The following CPQ variants were observed in gnomAD, a reference collection of about 807,000 sequenced individuals.
CPQ encodes the protein Ser-Met dipeptidase.
Under a neutral mutation model 45.7 loss-of-function variants are expected in CPQ, and 37 were observed. That is an observed-to-expected ratio of 0.81 (90% CI 0.62 to 1.07). The LOEUF (loss-of-function observed/expected upper bound fraction) is 1.07, where lower values mean the gene tolerates loss of function less well. CPQ is among the 50% of genes least tolerant of loss of function. The probability of loss-of-function intolerance (pLI) is 0.00; values close to 1 mark genes in which losing one functional copy is unlikely to be tolerated. For missense variants in CPQ, 537 were observed against 572.9 expected, an observed-to-expected ratio of 0.94 and a Z score of 0.64; for synonymous variants, 186 against 205.8, an observed-to-expected ratio of 0.90 and a Z score of 0.82.
chr8:96,705,081 TAAA>T (rs1238639926), intron 1 of CPQ, among the ~76,000 whole-genome samples: 1 of 152,130 alleles, frequency 6.6e-6, no homozygotes, highest in Non-Finnish European at 1.5e-5. Flanking sequence ...TTAAAGATGA[TAAA>T]GAAGGGTGAA....
intron 7 of CPQ, among the ~76,000 whole-genome samples, chr8:97,084,814 G>C (rs1442470829): frequency 6.7e-6 from 1 of 149,810 alleles, no homozygotes; most frequent in Non-Finnish European, 1.5e-5. Context: ...TGTATACTCT[G>C]TGTGTGTGTG....
chr8:96,749,272 C>T (rs961479992), intron 1 of CPQ, among the ~76,000 whole-genome samples: 1 of 152,170 alleles, frequency 6.6e-6, no homozygotes, highest in African/African-American at 2.4e-5. Context: ...CGATGACAGA[C>T]TGACCAAGTG....
chr8:97,138,955 G>GA (rs990176212), intron 7 of CPQ, among the ~76,000 whole-genome samples: 6 of 150,478 alleles, frequency 4.0e-5, no homozygotes, highest in African/African-American at 1.2e-4. Flanking sequence ...AAGAAAGAAA[G>GA]AAAAAAAAGA....
chr8:96,844,279 C>T (rs1241986149), intron 3 of CPQ, among the ~76,000 whole-genome samples: 1 of 152,158 alleles, frequency 6.6e-6, no homozygotes, highest in East Asian at 1.9e-4. Context: ...TTTTTTATCC[C>T]TCTGTGTTCC....
chr8:97,043,580 CTCGATGG>C (rs1810174766), intron 6 of CPQ, among the ~76,000 whole-genome samples: 1 of 152,108 alleles, frequency 6.6e-6, no homozygotes, highest in Non-Finnish European at 1.5e-5. Context: ...TCTTCCTAGC[CTCGATGG>C]TCTTTACAAT....
At chr8:97,137,078 T>TTGA in intron 7 of CPQ, among the ~76,000 whole-genome samples, 1 of 151,834 alleles carries the variant, frequency 6.6e-6, no homozygotes, top group Non-Finnish European at 1.5e-5. Context: ...TCACTAGTGA[T>TTGA]TGATAGAACA....
At chr8:96,812,824 A>C (rs1454240727) in intron 2 of CPQ, among the ~76,000 whole-genome samples, 1 of 151,868 alleles carries the variant, frequency 6.6e-6, no homozygotes, top group African/African-American at 2.4e-5. Flanking sequence ...TTTTTCCCTC[A>C]AGCTGAGCTG....
At chr8:96,682,540 G>C (rs1809165603) in intron 1 of CPQ, among the ~76,000 whole-genome samples, 1 of 152,244 alleles carries the variant, frequency 6.6e-6, no homozygotes, top group Admixed American at 6.5e-5. Flanking sequence ...CATGAAAATG[G>C]GCTAATACAC....
intron 5 of CPQ, among the ~76,000 whole-genome samples, chr8:97,007,169 A>G (rs1408351358): frequency 6.6e-6 from 1 of 152,210 alleles, no homozygotes; most frequent in African/African-American, 2.4e-5. Flanking sequence ...CTTTAACAGC[A>G]TTCTGGAATG....
At chr8:96,653,222 C>G (rs2130705271) in intron 1 of CPQ, among the ~76,000 whole-genome samples, 1 of 152,198 alleles carries the variant, frequency 6.6e-6, no homozygotes, top group East Asian at 1.9e-4. Context: ...GCCACAGTGC[C>G]TAGTACATTT....
intron 7 of CPQ, among the ~76,000 whole-genome samples, chr8:97,122,250 C>G (rs577533545): frequency 6.6e-5 from 10 of 151,814 alleles, no homozygotes; most frequent in Admixed American, 6.5e-4. Flanking sequence ...AGTCAGAAAG[C>G]AGCAATACAA....
At chr8:97,009,269 G>C (rs962286726) in intron 5 of CPQ, among the ~76,000 whole-genome samples, 2 of 152,164 alleles carry the variant, frequency 1.3e-5, no homozygotes, top group African/African-American at 2.4e-5. Flanking sequence ...AGAGAGCCAG[G>C]CCAGACTGAC....
chr8:96,897,362 G>A (rs1812456165), intron 4 of CPQ, among the ~76,000 whole-genome samples: 1 of 152,124 alleles, frequency 6.6e-6, no homozygotes, highest in Non-Finnish European at 1.5e-5. Flanking sequence ...TGTGGACTTT[G>A]ACAGTGACAC....
intron 1 of CPQ, among the ~76,000 whole-genome samples, chr8:96,658,533 G>A (rs772185945): frequency 3.7e-4 from 57 of 152,308 alleles, no homozygotes; most frequent in Middle Eastern, 3.4e-3. Flanking sequence ...CCCTGAAACT[G>A]TGCATGTTAG....
intron 3 of CPQ, among the ~76,000 whole-genome samples, chr8:96,843,348 G>A (rs1479149328): frequency 6.6e-6 from 1 of 152,090 alleles, no homozygotes; most frequent in South Asian, 2.1e-4. Flanking sequence ...AGGGAGGGAA[G>A]CAGGTAATCA....
intron 1 of CPQ, among the ~76,000 whole-genome samples, chr8:96,681,641 AG>A (rs1437863215): frequency 6.6e-6 from 1 of 152,206 alleles, no homozygotes; most frequent in African/African-American, 2.4e-5. Context: ...AGCATTGTCT[AG>A]TTTAGCTGTG....
At chr8:96,695,386 A>G (rs1809363048) in intron 1 of CPQ, among the ~76,000 whole-genome samples, 1 of 146,224 alleles carries the variant, frequency 6.8e-6, no homozygotes, top group African/African-American at 2.5e-5. Context: ...ATGGGCAAGG[A>G]CTTCATGTCT....
chr8:96,943,166 TA>T (rs1813145722), intron 4 of CPQ, among the ~76,000 whole-genome samples: 1 of 152,148 alleles, frequency 6.6e-6, no homozygotes, highest in African/African-American at 2.4e-5. Context: ...CACTTCACTG[TA>T]AAATAACAGA....
chr8:97,139,672 A>G (rs544291778), intron 7 of CPQ, among the ~76,000 whole-genome samples: 2 of 152,216 alleles, frequency 1.3e-5, no homozygotes, highest in South Asian at 2.1e-4. Context: ...CTAGAAATTA[A>G]TAAATATTTA....
Sources: allele counts gnomAD v4.1 joint callset (sites outside exome capture counted in the v4.1 genomes callset), GRCh38; gene constraint gnomAD v4.1.1; transcripts MANE v1.5; gene names NCBI Gene and HGNC (gene_info 2026-07-23, HGNC 2026-07-21).